The following LTA4H variants were observed in gnomAD, a reference collection of about 807,000 sequenced individuals.
The protein encoded by LTA4H is leukotriene A4 hydrolase.
LTA4H carries 59 observed loss-of-function variants against 89.8 expected under a neutral mutation model. The observed-to-expected ratio is 0.66, with a 90% CI of 0.53 to 0.82. LTA4H has a LOEUF of 0.82. LTA4H is among the 40% of genes least tolerant of loss of function. The probability of loss-of-function intolerance (pLI) is 0.00; values close to 1 mark genes in which losing one functional copy is unlikely to be tolerated. For synonymous variants in LTA4H, 227 were observed against 253.1 expected, an observed-to-expected ratio of 0.90 and a Z score of 0.98; for missense variants, 617 against 727.0, an observed-to-expected ratio of 0.85 and a Z score of 1.74.
intron 1 of LTA4H, among the ~76,000 whole-genome samples, chr12:96,032,165 T>C (rs1278211090): frequency 6.6e-6 from 1 of 152,230 alleles, no homozygotes; most frequent in Non-Finnish European, 1.5e-5. Context: ...AACAAATGTA[T>C]GAAAGTTATC....
At chr12:96,043,242 C>T (rs1358684302) in intron 1 of LTA4H, 3 of 1,365,562 alleles carry the variant, frequency 2.2e-6, no homozygotes, top group Admixed American at 2.0e-5. Flanking sequence ...GGCAGGGACT[C>T]GACTTGAAAG....
intron 15 of LTA4H, among the ~76,000 whole-genome samples, chr12:96,008,601 A>T (rs140242156): frequency 4.1e-4 from 63 of 152,206 alleles, no homozygotes; most frequent in Non-Finnish European, 8.1e-4. Context: ...TGCCTTCAAC[A>T]TCAATTTTTC....
Position 96,002,941 on chromosome 12 carries a change from G to A in LTA4H, c.1718+19C>T, listed in dbSNP as rs759540274. The A allele has an allele frequency of 6.6e-6, 10 of 1,509,998 alleles. No homozygotes were observed. The highest frequency in any genetic ancestry group is 5.6e-5 in the Admixed American group (3 of 53,568). 93.5% of individuals were successfully genotyped at this position (1,509,998 alleles called of 1,614,324 possible). On this transcript the variant is annotated intron_variant, in intron 18 of 18. Coordinates refer to ENST00000228740, the MANE Select transcript of LTA4H (RefSeq NM_000895.3). ...TGTTTCTTAGATGAATTCAAAGTACGGTCTGAGTGGGTTCTTACTTGAATA... is the reference window on the plus strand; with the variant it reads ...TGTTTCTTAGATGAATTCAAAGTACAGTCTGAGTGGGTTCTTACTTGAATA...
At chr12:96,019,280 C>A (rs1409000673) in intron 6 of LTA4H, 40 bp from the exon 7 acceptor site, 1 of 1,521,264 alleles carries the variant, frequency 6.6e-7, no homozygotes. Flanking sequence ...AAATTCATGG[C>A]AAATGATTCA....
chr12:96,043,316 CTT>C lies in LTA4H; in HGVS notation c.58_59del (p.Lys20AspfsTer64), dbSNP rs1192998692. The stretch of plus-strand genomic sequence containing the variant: ...TTAAGGCTGCAAGAAGTCGACGAGT[CTT>C]AACTGGGATATGCATGGTCGGTACT... On this transcript the variant is annotated frameshift_variant, in exon 1 of 18. Transcript: ENST00000413268. LOFTEE classifies it high-confidence loss of function. The C allele has an allele frequency of 6.5e-7, 1 of 1,535,414 alleles. No individual in the cohort carries two copies. Among genetic ancestry groups the C allele is most frequent in the Admixed American group, 2.0e-5 (1 of 50,984 alleles).
intron 13 of LTA4H, 78 bp downstream of exon 13, chr12:96,013,672 A>C (rs1592878507): frequency 1.3e-6 from 1 of 763,848 alleles, no homozygotes; most frequent in East Asian, 2.5e-5. Flanking sequence ...CTACTATTAG[A>C]TAATACAAGT....
intron 4 of LTA4H, among the ~76,000 whole-genome samples, chr12:96,023,774 A>G (rs1950480987): frequency 6.6e-6 from 1 of 152,220 alleles, no homozygotes; most frequent in Admixed American, 6.5e-5. Context: ...AGTCTGGAAT[A>G]TATGCCCACT....
chr12:96,020,067 T>C (rs1268377258), intron 6 of LTA4H, among the ~76,000 whole-genome samples: 1 of 151,836 alleles, frequency 6.6e-6, no homozygotes, highest in Admixed American at 6.6e-5. Flanking sequence ...CCATGCCCGA[T>C]TAATTTTTTA....
chr12:96,035,704 T>G, upstream of LTA4H: 3 of 1,376,708 alleles, frequency 2.2e-6, no homozygotes, highest in Admixed American at 3.1e-5. Context: ...GAACTACAAG[T>G]TCCATGGTGC....
chr12:96,026,964 C>T (rs556583305), intron 3 of LTA4H, among the ~76,000 whole-genome samples: 9 of 152,064 alleles, frequency 5.9e-5, no homozygotes, highest in Non-Finnish European at 1.2e-4. Context: ...TGATATAATA[C>T]ATACTTTTGT....
At chr12:96,029,445 G>T (rs1950550296) in intron 1 of LTA4H, among the ~76,000 whole-genome samples, 1 of 152,090 alleles carries the variant, frequency 6.6e-6, no homozygotes, top group South Asian at 2.1e-4. Flanking sequence ...TTAAGTAAAA[G>T]TCAAATCTAA....
chr12:96,015,023 A>T (rs1566008171), intron 11 of LTA4H, 24 bp from the exon 12 acceptor site: 2 of 1,602,258 alleles, frequency 1.2e-6, no homozygotes, highest in Non-Finnish European at 1.7e-6. Flanking sequence ...AATAACATGG[A>T]GAAACATATA....
upstream of LTA4H, among the ~76,000 whole-genome samples, chr12:96,037,525 G>T (rs967886272): frequency 1.2e-4 from 19 of 152,108 alleles, no homozygotes; most frequent in African/African-American, 4.3e-4. Context: ...GGGGAAGGTG[G>T]TGATTTTGTT....
intron 2 of LTA4H, among the ~76,000 whole-genome samples, chr12:96,028,194 T>C (rs915692101): frequency 1.3e-5 from 2 of 152,158 alleles, no homozygotes; most frequent in Admixed American, 1.3e-4. Context: ...GAAGCACTGA[T>C]AATAAGGAAA....
intron 1 of LTA4H, among the ~76,000 whole-genome samples, chr12:96,042,727 C>T (rs1218232450): frequency 2.0e-5 from 3 of 152,058 alleles, no homozygotes; most frequent in Non-Finnish European, 4.4e-5. Context: ...CAGGCCTTCT[C>T]CTTAGAAAAA....
intron 6 of LTA4H, among the ~76,000 whole-genome samples, chr12:96,019,515 C>T (rs901432818): frequency 2.0e-5 from 3 of 152,026 alleles, no homozygotes; most frequent in Non-Finnish European, 4.4e-5. Context: ...TCTTGTAAGA[C>T]CTCTTGAGGG....
In LTA4H at chr12:96,010,838, T is replaced by C. The variant is rs190065843; in HGVS notation, c.1380-1690A>G. 37 of 152,344 alleles carry C rather than the reference T, an allele frequency of 2.4e-4. 1 individual carries two copies. The highest frequency in any genetic ancestry group is 8.2e-4 in the African/African-American group (34 of 41,568). The allele number at this position is 152,344 out of a possible 1,614,324, so 9.4% of individuals were successfully genotyped here. ...AGTCTTCCAGGATGTGAAGATGTGA[T>C]ACTGAACTTGGACAGTGGTAGTAGA... On this transcript the variant is annotated intron_variant, in intron 14 of 18. Transcript: ENST00000228740.
At chr12:96,021,197 A>G in intron 5 of LTA4H, 60 bp from the exon 6 acceptor site, 2 of 1,251,944 alleles carry the variant, frequency 1.6e-6, no homozygotes, top group Non-Finnish European at 2.2e-6. Context: ...AATGTTACAC[A>G]GTAAGACAAT....
At chr12:96,040,644 C>T (rs565573636) in intron 1 of LTA4H, among the ~76,000 whole-genome samples, 1 of 152,298 alleles carries the variant, frequency 6.6e-6, no homozygotes, top group South Asian at 2.1e-4. Flanking sequence ...GAGCCATGTG[C>T]TGAGAGTGGT....
Sources: gnomAD v4.1 joint callset for allele counts (sites outside exome capture counted in the v4.1 genomes callset) on GRCh38, gnomAD v4.1.1 for gene constraint, MANE v1.5 for transcripts, NCBI Gene and HGNC (gene_info 2026-07-23, HGNC 2026-07-21) for gene names.